Variants in MRAP2 observed in about 807,000 individuals in gnomAD.
The protein encoded by MRAP2 is melanocortin 2 receptor accessory protein 2.
MRAP2 carries 20 observed loss-of-function variants against 17.4 expected under a neutral mutation model. That is an observed-to-expected ratio of 1.15 (90% confidence interval 0.81 to 1.67). The LOEUF is 1.67. Among genes scored for constraint, MRAP2 ranks in the 40% most tolerant of loss-of-function variants. The pLI is 0.00. For synonymous variants in MRAP2, 96 were observed against 88.4 expected (o/e 1.09, Z -0.48); for missense variants, 238 against 240.0 (o/e 0.99, Z 0.05).
At chr6:84,084,085 A>G (rs1156745169) in intron 3 of MRAP2, among the ~76,000 whole-genome samples, 2 of 152,072 alleles carry the variant, frequency 1.3e-5, no homozygotes, top group East Asian at 1.9e-4. Flanking sequence ...ATAATAATAA[A>G]CCTCTCATCC....
the MRAP2 span, among the ~76,000 whole-genome samples, chr6:84,110,473 G>A: frequency 6.6e-6 from 1 of 151,918 alleles, no homozygotes; most frequent in African/African-American, 2.4e-5. Context: ...TGTAGATTCT[G>A]GATATTAGCC....
the MRAP2 span, among the ~76,000 whole-genome samples, chr6:84,108,957 C>T: frequency 2.6e-5 from 4 of 151,954 alleles, no homozygotes; most frequent in African/African-American, 4.8e-5. Context: ...TTGTTTTTGT[C>T]GTTTGTTGAA....
intron 3 of MRAP2, among the ~76,000 whole-genome samples, chr6:84,084,381 T>C (rs1248081910): frequency 6.6e-6 from 1 of 152,192 alleles, no homozygotes; most frequent in Admixed American, 6.5e-5. Flanking sequence ...TTTGACTTGT[T>C]TGATCTGAGA....
chr6:84,142,359 A>G, the MRAP2 span, among the ~76,000 whole-genome samples: 4 of 152,182 alleles, frequency 2.6e-5, no homozygotes, highest in Non-Finnish European at 5.9e-5. Flanking sequence ...TTAAAATGAA[A>G]GCTATATGAT....
At chr6:84,142,262 T>C in the MRAP2 span, among the ~76,000 whole-genome samples, 1 of 152,232 alleles carries the variant, frequency 6.6e-6, no homozygotes, top group Non-Finnish European at 1.5e-5. Context: ...TAATTTATTC[T>C]ATCTGCCAAA....
chr6:84,125,280 C>T, the MRAP2 span: 1 of 1,611,914 alleles, frequency 6.2e-7, no homozygotes, highest in East Asian at 2.2e-5. Flanking sequence ...GTATTATCTG[C>T]AAATACAAAA....
the MRAP2 span, among the ~76,000 whole-genome samples, chr6:84,115,817 C>T: frequency 1.7e-4 from 26 of 152,224 alleles, no homozygotes; most frequent in Admixed American, 1.4e-3. Context: ...TCATGGCTTC[C>T]CTTGGGTAGG....
chr6:84,087,896 T>C (rs898235010), intron 3 of MRAP2, among the ~76,000 whole-genome samples: 1 of 152,168 alleles, frequency 6.6e-6, no homozygotes, highest in African/African-American at 2.4e-5. Context: ...GCTAGCTGGA[T>C]TACAAACCTT....
the MRAP2 span, among the ~76,000 whole-genome samples, chr6:84,128,110 C>G: frequency 6.6e-6 from 1 of 152,118 alleles, no homozygotes; most frequent in South Asian, 2.1e-4. Context: ...CCAGCGCTGC[C>G]CATGGCAGAG....
chr6:84,049,063 T>G (rs1247119372), intron 1 of MRAP2, among the ~76,000 whole-genome samples: 1 of 152,186 alleles, frequency 6.6e-6, no homozygotes, highest in Non-Finnish European at 1.5e-5. Context: ...ATTCTTGATG[T>G]CCAGCTGAAG....
chr6:84,097,133 T>G, the MRAP2 span, among the ~76,000 whole-genome samples: 1 of 152,202 alleles, frequency 6.6e-6, no homozygotes, highest in East Asian at 1.9e-4. Context: ...GTCCTTATGA[T>G]GACCTGAAAG....
intron 2 of MRAP2, among the ~76,000 whole-genome samples, chr6:84,057,061 G>A (rs2099491868): frequency 6.6e-6 from 1 of 152,144 alleles, no homozygotes; most frequent in South Asian, 2.1e-4. Flanking sequence ...TTACTGTTCT[G>A]ATATAAGAGA....
the MRAP2 span, among the ~76,000 whole-genome samples, chr6:84,114,079 T>G: frequency 4.6e-5 from 7 of 152,268 alleles, no homozygotes; most frequent in East Asian, 1.9e-4. Context: ...TCTTGAGTAG[T>G]ATCTTTGTGG....
At chr6:84,135,780 T>C in the MRAP2 span, among the ~76,000 whole-genome samples, 2 of 152,134 alleles carry the variant, frequency 1.3e-5, no homozygotes, top group Non-Finnish European at 2.9e-5. Flanking sequence ...TAAGAATCAC[T>C]TGAATGAGGG....
intron 2 of MRAP2, among the ~76,000 whole-genome samples, chr6:84,058,065 A>G (rs1042516819): frequency 6.6e-6 from 1 of 152,112 alleles, no homozygotes; most frequent in Non-Finnish European, 1.5e-5. Context: ...GGACAAGGAC[A>G]TGGGGGGGCC....
chr6:84,072,737 G>A (rs2099496507), intron 3 of MRAP2, among the ~76,000 whole-genome samples: 2 of 152,120 alleles, frequency 1.3e-5, no homozygotes, highest in African/African-American at 4.8e-5. Context: ...CTCTCCTTGG[G>A]TGGGTCTTGC....
chr6:84,132,022 T>C, the MRAP2 span, among the ~76,000 whole-genome samples: 1 of 152,220 alleles, frequency 6.6e-6, no homozygotes, highest in African/African-American at 2.4e-5. Flanking sequence ...CAGGAGCTCT[T>C]GTAAGGCATG....
chr6:84,089,031 T>C, intron 3 of MRAP2, 60 bp from the exon 4 acceptor site: 2 of 1,529,192 alleles, frequency 1.3e-6, no homozygotes, highest in Non-Finnish European at 8.8e-7. Flanking sequence ...CAGAAAACCA[T>C]GATTCTGCAG....
chr6:84,139,117 A>T, the MRAP2 span, among the ~76,000 whole-genome samples: 3 of 152,230 alleles, frequency 2.0e-5, no homozygotes, highest in Non-Finnish European at 2.9e-5. Flanking sequence ...CAAATGGAAG[A>T]AAAGCTCTCT....
Sources: allele counts gnomAD v4.1 joint callset (sites outside exome capture counted in the v4.1 genomes callset), GRCh38; gene constraint gnomAD v4.1.1; transcripts MANE v1.5; gene names NCBI Gene and HGNC (gene_info 2026-07-23, HGNC 2026-07-21).